The following BCL6 variants were observed in gnomAD, a reference collection of about 807,000 sequenced individuals.
The protein encoded by BCL6 is B-cell lymphoma 6 protein.
Under a neutral mutation model 59.5 loss-of-function variants are expected in BCL6, and 7 were observed. The ratio of observed to expected loss-of-function variants is 0.12; its 90% CI spans 0.07 to 0.22. The LOEUF is 0.22. BCL6 is among the 10% of genes least tolerant of loss of function. BCL6 has a pLI of 1.00. For synonymous variants in BCL6, 339 were observed against 349.7 expected, an observed-to-expected ratio of 0.97 and a Z score of 0.34; for missense variants, 685 against 939.4, an observed-to-expected ratio of 0.73 and a Z score of 3.54.
At position 187,729,317 on chromosome 3, in the gene BCL6, G is replaced by A; in HGVS notation, c.1088C>T (p.Pro363Leu). Residue 363 changes from proline (P) to leucine (L), a missense_variant, in exon 5 of 10, where the codon CCA (proline) becomes CTA (leucine). Coordinates refer to ENST00000406870, the MANE Select transcript of BCL6 (RefSeq NM_001706.5). This position sits in a 1 kb window ranked among gnomAD's most constrained non-coding sequence, Gnocchi z 5.6. ...TTTGGGGTCAGTGGGGCTCTTGGCT[G>A]GAGGGGAGCCAGAAGCCTGGAGGAT... ...ACILQASGSPPAKSPTDPKAC... is the reference protein window; with the variant it reads ...ACILQASGSPLAKSPTDPKAC... 1 of 1,614,134 alleles carries A rather than the reference G, an allele frequency of 6.2e-7. No homozygotes were observed. The highest frequency in any genetic ancestry group is 1.1e-5 in the South Asian group (1 of 91,080).
In BCL6 at chr3:187,725,480, G is replaced by GCCTGCCCGCTCTGCTCA. The variant is rs748646860; in HGVS notation, c.1839+18_1839+19insTGAGCAGAGCGGGCAGG. On this transcript the variant is annotated intron_variant, in intron 8 of 9. Coordinates refer to ENST00000406870, the MANE Select transcript of BCL6 (RefSeq NM_001706.5). The surrounding 1 kb of genome is among the most constrained non-coding windows in gnomAD (Gnocchi z 4.7). Reference sequence around the variant, plus strand: ...CTCCGCTCGCCTGCCCGCTCCGCTCGCCTGCCCACTCTGCTCACCTGTACA... The same window carrying GCCTGCCCGCTCTGCTCA: ...CTCCGCTCGCCTGCCCGCTCCGCTCGCCTGCCCGCTCTGCTCACCTGCCCACTCTGCTCACCTGTACA... 27 of 1,575,026 alleles carry GCCTGCCCGCTCTGCTCA rather than the reference G, an allele frequency of 1.7e-5. No individual in the cohort carries two copies. In the Admixed American group the frequency reaches 2.1e-4, roughly 12 times the overall value.
At chr3:187,744,712 C>T (rs752437917) in intron 1 of BCL6, among the ~76,000 whole-genome samples, 2 of 152,172 alleles carry the variant, frequency 1.3e-5, no homozygotes, top group East Asian at 3.9e-4. Context: ...GGGCAGCCTC[C>T]CTTTTTGCCT....
chr3:187,733,631 G>T lies in BCL6; in HGVS notation c.63C>A (p.Asn21Lys). 1 of 1,614,098 alleles carries T rather than the reference G, an allele frequency of 6.2e-7. No individual in the cohort carries two copies. The highest frequency in any genetic ancestry group is 8.5e-7 in the Non-Finnish European group (1 of 1,180,004). The change falls in exon 3 of 10, where the codon AAC becomes AAA. Residue 21 changes from asparagine to lysine, a missense_variant. By Grantham distance (94) the Asn-to-Lys change is moderately conservative. This residue lies in a region of BCL6 where 102 missense variants were observed against 176.6 expected (regional missense o/e 0.58). Coordinates refer to ENST00000406870, the MANE Select transcript of BCL6 (RefSeq NM_001706.5). Reference protein sequence around the residue: ...FTRHASDVLLNLNRLRSRDIL... With the variant: ...FTRHASDVLLKLNRLRSRDIL... ...TGTCTCGACTCCGGAGACGATTAAGGTTGAGAAGAACATCACTGGCATGGC... is the reference window on the plus strand; with the variant it reads ...TGTCTCGACTCCGGAGACGATTAAGTTTGAGAAGAACATCACTGGCATGGC...
chr3:187,728,462 A>T lies in BCL6; in HGVS notation c.1438T>A (p.Ser480Thr). 10 of 1,612,268 alleles carry T rather than the reference A, an allele frequency of 6.2e-6. No individual in the cohort carries two copies. The highest frequency in any genetic ancestry group is 8.5e-6 in the Non-Finnish European group (10 of 1,179,588). Residue 480 changes from serine to threonine, a missense_variant, in exon 6 of 10, where the codon TCT becomes ACT. By Grantham distance (58) the Ser-to-Thr change is moderately conservative. Around this residue, in one of 7 missense-constraint regions of BCL6, gnomAD observed 207 missense variants for 213.7 expected, o/e 0.97. Transcript: ENST00000406870. ...ATCTCTGCATGCTGTGGGGACTGAG[A>T]GCCGCAGGACGTGCACTTCGGGGGG... Reference protein sequence around the residue: ...MHPPKCTSCGSQSPQHAEMCL... With the variant: ...MHPPKCTSCGTQSPQHAEMCL...
At chr3:187,740,009 C>T (rs1010776531) in intron 1 of BCL6, among the ~76,000 whole-genome samples, 10 of 152,182 alleles carry the variant, frequency 6.6e-5, no homozygotes. Flanking sequence ...CCGACGCGGC[C>T]TCCGACGGCT....
Position 187,729,322 on chromosome 3 carries a change from G to A in BCL6, c.1083C>T (p.Ser361=). 1 of 1,614,100 alleles carries A rather than the reference G, an allele frequency of 6.2e-7. No individual in the cohort carries two copies. Among genetic ancestry groups the A allele is most frequent in the Admixed American group, 1.7e-5 (1 of 60,018 alleles). Residue 361 remains serine (S), a synonymous_variant, in exon 5 of 10, where the codon TCC becomes TCT. Transcript: ENST00000406870. This position sits in a 1 kb window ranked among gnomAD's most constrained non-coding sequence, Gnocchi z 5.6. ...GGTCAGTGGGGCTCTTGGCTGGAGG[G>A]GAGCCAGAAGCCTGGAGGATGCAGG... ...KNACILQASG[S]PPAKSPTDPK...
intron 1 of BCL6, among the ~76,000 whole-genome samples, chr3:187,741,281 C>A (rs2108479746): frequency 6.6e-6 from 1 of 152,322 alleles, no homozygotes; most frequent in South Asian, 2.1e-4. Context: ...ATTTCTCCCC[C>A]AGCCTCCGAA....
intron 1 of BCL6, chr3:187,736,294 C>A (rs568493115): frequency 6.6e-6 from 1 of 152,252 alleles, no homozygotes; most frequent in East Asian, 1.9e-4. Flanking sequence ...CTCTCCCCAG[C>A]CCAACTCGAG....
chr3:187,728,489 G>T lies in BCL6; in HGVS notation c.1411C>A (p.His471Asn). ...SSESHSPLYMHPPKCTSCGSQ... is the reference protein window; with the variant it reads ...SSESHSPLYMNPPKCTSCGSQ... ...CCGCAGGACGTGCACTTCGGGGGGT[G>T]CATGTAGAGTGGTGAGTGGCTCTCG... The change falls in exon 6 of 10, where the codon CAC (histidine) becomes AAC (asparagine). Residue 471 changes from histidine (H) to asparagine (N), a missense_variant. Physicochemically the swap from His to Asn is moderately conservative, Grantham distance 68. Transcript: ENST00000406870. 1.2e-6 allele frequency: 2 copies of T among 1,611,646 alleles called. No homozygotes were observed. Among genetic ancestry groups the T allele is most frequent in the South Asian group, 1.1e-5 (1 of 90,902 alleles).
Position 187,733,585 on chromosome 3 carries a change from C to A in BCL6, c.109G>T (p.Val37Phe). 1.2e-6 allele frequency: 2 copies of A among 1,614,114 alleles called. No individual in the cohort carries two copies. Among genetic ancestry groups the A allele is most frequent in the Admixed American group, 1.7e-5 (1 of 60,014 alleles). Residue 37 changes from valine to phenylalanine, a missense_variant, in exon 3 of 10, where the codon GTT becomes TTT. By Grantham distance (50) the Val-to-Phe change is conservative. Around this residue, in one of 7 missense-constraint regions of BCL6, gnomAD observed 102 missense variants for 176.6 expected, o/e 0.58. Transcript: ENST00000406870. ...GCTCTAAACTGCTCACGGCTCACAA[C>A]AATGACAACATCAGTCAAGATGTCT... ...SRDILTDVVI[V>F]VSREQFRAHK...
intron 1 of BCL6, chr3:187,736,465 C>G (rs769607437): frequency 1.2e-4 from 18 of 152,246 alleles, no homozygotes; most frequent in Non-Finnish European, 2.6e-4. Context: ...AATACCTAGG[C>G]TGTTCTTTAA....
chr3:187,741,308 G>T (rs1248996850), intron 1 of BCL6, among the ~76,000 whole-genome samples: 1 of 152,188 alleles, frequency 6.6e-6, no homozygotes, highest in African/African-American at 2.4e-5. Context: ...TATGTACTGG[G>T]AAGGGAAAGA....
rs200604822 is a variant in BCL6, at chr3:187,744,575, C to CA, written c.-50+834dup. Among the ~76,000 whole-genome samples the CA allele has an allele frequency of 9.4e-3, 1,433 of 151,956 alleles. 15 individuals are homozygous for CA. Among genetic ancestry groups the CA allele is most frequent in the Non-Finnish European group, 0.014 (982 of 67,946 alleles). On this transcript the variant is annotated intron_variant, in intron 1 of 9. Transcript: ENST00000406870. ...ACTTCATCTCATCTGGATTTATGACCAAAAAAACAAAAACAAAAACCCAAA... is the reference window on the plus strand; with the variant it reads ...ACTTCATCTCATCTGGATTTATGACCAAAAAAAACAAAAACAAAAACCCAAA...
At chr3:187,743,857 T>A (rs1711727925) in intron 1 of BCL6, among the ~76,000 whole-genome samples, 2 of 152,176 alleles carry the variant, frequency 1.3e-5, no homozygotes, top group African/African-American at 2.4e-5. Context: ...AGCCACAGGT[T>A]GCAAATCCAA....
At chr3:187,742,070 G>T (rs1160211905) in intron 1 of BCL6, among the ~76,000 whole-genome samples, 1 of 151,848 alleles carries the variant, frequency 6.6e-6, no homozygotes. Flanking sequence ...AAACTTCAAA[G>T]TCCTTTTTAT....
intron 9 of BCL6, 185 bp downstream of exon 9, chr3:187,724,756 G>T: frequency 1.3e-6 from 1 of 789,594 alleles, no homozygotes; most frequent in Non-Finnish European, 2.0e-6. Context: ...CAAGCAGGGT[G>T]TCTGGCCATT....
rs371009973 is a variant in BCL6 at position 187,738,894 on chromosome 3, G to A, written c.-49-3987C>T. 2.6e-5 allele frequency among the ~76,000 whole-genome samples: 4 copies of A among 152,350 alleles called. No homozygotes were observed. The East Asian group carries it at 7.7e-4, about 29-fold the overall frequency. ...GGGATTTAATAAGGGGTAGGGATGA[G>A]AATCTGGGAAGTTAAAATGAAGTAA... On this transcript the variant is annotated intron_variant, in intron 1 of 9. Transcript: ENST00000406870.
intron 9 of BCL6, 186 bp downstream of exon 9, chr3:187,724,755 T>C: frequency 2.6e-6 from 2 of 771,936 alleles, no homozygotes; most frequent in Non-Finnish European, 4.1e-6. Context: ...TCAAGCAGGG[T>C]GTCTGGCCAT....
rs373679379 is a variant in BCL6 at position 187,729,950 on chromosome 3, T to C, written c.455A>G (p.Gln152Arg). 1.9e-6 allele frequency: 3 copies of C among 1,612,316 alleles called. No homozygotes were observed. The highest frequency in any genetic ancestry group is 2.7e-5 in the African/African-American group (2 of 74,866). ...ACGACCCCGATAGGCCATGATGTCT[T>C]GGGGCATCAGCATCCGGCTGTTGAG... ...EFLNSRMLMP[Q>R]DIMAYRGREV... The change falls in exon 5 of 10, where the codon CAA becomes CGA. Residue 152 changes from glutamine (Q) to arginine (R), a missense_variant. Gln to Arg is a conservative substitution (Grantham distance 43). Coordinates refer to ENST00000406870, the MANE Select transcript of BCL6 (RefSeq NM_001706.5). The surrounding 1 kb of genome is among the most constrained non-coding windows in gnomAD (Gnocchi z 5.6).
Sources: gnomAD v4.1 joint callset for allele counts (sites outside exome capture counted in the v4.1 genomes callset) on GRCh38, gnomAD v4.1.1 for gene constraint, gnomAD v4.1.1 regional missense constraint, Gnocchi (gnomAD v3.1) non-coding constraint, MANE v1.5 for transcripts, NCBI Gene and HGNC (gene_info 2026-07-23, HGNC 2026-07-21) for gene names.